PTPRG: variants seen among roughly 807,000 people sequenced by gnomAD.
PTPRG encodes the protein receptor-type tyrosine-protein phosphatase gamma.
Under a neutral mutation model 165.3 loss-of-function variants are expected in PTPRG, and 102 were observed. The observed-to-expected ratio is 0.62, with a 90% CI of 0.53 to 0.73. The LOEUF (loss-of-function observed/expected upper bound fraction) is 0.73, where lower values mean the gene tolerates loss of function less well. Ranked by LOEUF, PTPRG falls within the 30% of genes least tolerant of loss-of-function variation. The probability of loss-of-function intolerance (pLI) is 0.00; values close to 1 mark genes in which losing one functional copy is unlikely to be tolerated. For synonymous variants in PTPRG, 675 were observed against 669.5 expected, an observed-to-expected ratio of 1.01 and a Z score of -0.13; for missense variants, 1,866 against 1,861.4, an observed-to-expected ratio of 1.00 and a Z score of -0.05.
chr3:61,757,462 G>A (rs1252759404), intron 2 of PTPRG, among the ~76,000 whole-genome samples: 3 of 152,024 alleles, frequency 2.0e-5, no homozygotes, highest in African/African-American at 7.2e-5. Context: ...CAGAAGGAAA[G>A]CAAAAACCTT....
intron 5 of PTPRG, among the ~76,000 whole-genome samples, chr3:62,086,633 A>G (rs1701761488): frequency 1.3e-5 from 2 of 152,210 alleles, no homozygotes; most frequent in African/African-American, 4.8e-5. Flanking sequence ...TTCTTTCACT[A>G]CATTACCTAG....
chr3:62,096,733 A>G (rs894527280), intron 5 of PTPRG, among the ~76,000 whole-genome samples: 15 of 152,234 alleles, frequency 9.9e-5, no homozygotes, highest in Admixed American at 7.9e-4. Context: ...CAGCATTTAT[A>G]TAGTATCATA....
rs1246840072 is a variant in PTPRG at position 62,277,544 on chromosome 3, A to G, written c.3637-7A>G. 6.2e-7 allele frequency: 1 copy of G among 1,609,176 alleles called. No homozygotes were observed. Among genetic ancestry groups the G allele is most frequent in the Non-Finnish European group, 8.5e-7 (1 of 1,178,826 alleles). On this transcript the variant is annotated splice_region_variant and splice_polypyrimidine_tract_variant and intron_variant, in intron 25 of 29. Transcript: ENST00000474889. ...TTCACTGATTTTTTTTGTCTTCCCA[A>G]CTGAAGGGCTATTATAGGAGCAATG...
At chr3:61,918,377 C>G (rs550170688) in intron 2 of PTPRG, among the ~76,000 whole-genome samples, 1 of 149,506 alleles carries the variant, frequency 6.7e-6, no homozygotes, top group East Asian at 1.9e-4. Flanking sequence ...TATATATATA[C>G]ACACACACAG....
At chr3:61,947,713 G>T (rs948301173) in intron 2 of PTPRG, among the ~76,000 whole-genome samples, 1 of 152,152 alleles carries the variant, frequency 6.6e-6, no homozygotes, top group East Asian at 1.9e-4. Context: ...GTGGCCCCTG[G>T]CATTACTGGG....
At chr3:61,933,194 C>T (rs1450481639) in intron 2 of PTPRG, among the ~76,000 whole-genome samples, 1 of 152,190 alleles carries the variant, frequency 6.6e-6, no homozygotes, top group Non-Finnish European at 1.5e-5. Context: ...AGGTACATTT[C>T]TCTTTTCAAC....
rs1042991498 is a variant in PTPRG, at chr3:62,210,119, TG to T, written c.2155+6171del. ...GACCATCATTTTGATTGTTTGAGTC[TG>T]GTGAATTAAGCTCTGCATGAAATGG... On this transcript the variant is annotated intron_variant, in intron 12 of 29. Coordinates refer to ENST00000474889, the MANE Select transcript of PTPRG (RefSeq NM_002841.4). The surrounding 1 kb of genome is among the most constrained non-coding windows in gnomAD (Gnocchi z 4.1). 6.6e-6 allele frequency among the ~76,000 whole-genome samples: 1 copy of T among 152,208 alleles called. No individual in the cohort carries two copies. The highest frequency in any genetic ancestry group is 2.4e-5 in the African/African-American group (1 of 41,448).
At position 62,138,714 on chromosome 3, in the gene PTPRG, CAAAAAAA is replaced by C. The variant is rs563632840; in HGVS notation, c.682+6062_682+6068del. ...AGCCTCAGTGACAAGGGCAAAGCTC[CAAAAAAA>C]AAAAAAAAAAAAAAAGAAAGACGAA... On this transcript the variant is annotated intron_variant, in intron 6 of 29. Coordinates refer to ENST00000474889, the MANE Select transcript of PTPRG (RefSeq NM_002841.4). Among the ~76,000 whole-genome samples the C allele has an allele frequency of 6.6e-5, 6 of 91,388 alleles. No homozygotes were observed. The Admixed American group carries it at 6.9e-4, about 11-fold the overall frequency. 60.0% of individuals were successfully genotyped at this position (91,388 alleles called of 152,430 possible). A position where few individuals can be genotyped will look rare whatever the true frequency, so the allele number is the denominator to read the frequency against.
At chr3:61,613,059 G>T (rs761289722) in intron 1 of PTPRG, among the ~76,000 whole-genome samples, 6 of 152,170 alleles carry the variant, frequency 3.9e-5, no homozygotes, top group Non-Finnish European at 5.9e-5. Flanking sequence ...CTTACGCTTA[G>T]ACTGTCAGAG....
intron 2 of PTPRG, chr3:61,770,375 T>C (rs2034172426): frequency 6.6e-6 from 1 of 152,236 alleles, no homozygotes; most frequent in South Asian, 2.1e-4. Flanking sequence ...CGTGAAGAGC[T>C]AAAGTTGTTG....
At chr3:61,675,833 A>G (rs1261610871) in intron 1 of PTPRG, among the ~76,000 whole-genome samples, 1 of 151,440 alleles carries the variant, frequency 6.6e-6, no homozygotes, top group South Asian at 2.1e-4. Flanking sequence ...ATTTTTTTAA[A>G]GTGTTCAGTA....
chr3:62,176,048 C>A (rs1282682413), intron 8 of PTPRG, among the ~76,000 whole-genome samples: 8 of 151,174 alleles, frequency 5.3e-5, no homozygotes, highest in Admixed American at 5.2e-4. Context: ...AAAGAGGACT[C>A]TGGAATAATC....
intron 6 of PTPRG, among the ~76,000 whole-genome samples, chr3:62,149,657 T>A (rs908939118): frequency 1.3e-5 from 2 of 152,194 alleles, no homozygotes; most frequent in Non-Finnish European, 2.9e-5. Flanking sequence ...CAACTTGCCG[T>A]TTCTCACCCC....
intron 5 of PTPRG, among the ~76,000 whole-genome samples, chr3:62,108,717 G>A (rs968580337): frequency 2.0e-5 from 3 of 151,946 alleles, no homozygotes; most frequent in Admixed American, 6.6e-5. Flanking sequence ...TTGTTTCCTG[G>A]CTTTGTAATG....
chr3:61,672,745 AGGG>A, intron 1 of PTPRG, among the ~76,000 whole-genome samples: 1 of 119,972 alleles, frequency 8.3e-6, no homozygotes, highest in African/African-American at 4.1e-5. Context: ...GGAGAGGGAG[AGGG>A]AGAGGGAGAG....
intron 13 of PTPRG, among the ~76,000 whole-genome samples, chr3:62,221,756 A>G (rs1286438871): frequency 1.3e-5 from 2 of 152,170 alleles, no homozygotes; most frequent in Non-Finnish European, 2.9e-5. Context: ...AGCATTTTCT[A>G]CCACAACCAA....
At chr3:62,069,667 CT>C (rs1701137869) in intron 4 of PTPRG, among the ~76,000 whole-genome samples, 1 of 147,072 alleles carries the variant, frequency 6.8e-6, no homozygotes. Flanking sequence ...CTCTCTCTCT[CT>C]CTCTCTCTCT....
chr3:62,162,491 A>G (rs1224977816), intron 7 of PTPRG, among the ~76,000 whole-genome samples: 1 of 152,240 alleles, frequency 6.6e-6, no homozygotes, highest in African/African-American at 2.4e-5. Context: ...TGTGTTTATT[A>G]CCCTGCTGTG....
chr3:62,218,804 A>T (rs764971100), intron 12 of PTPRG, 47 bp from the exon 13 acceptor site: 32 of 1,577,442 alleles, frequency 2.0e-5, no homozygotes, highest in Non-Finnish European at 2.2e-5. Flanking sequence ...TCTGGCTCCC[A>T]CCTCCACTAA....
Sources: allele counts gnomAD v4.1 joint callset (sites outside exome capture counted in the v4.1 genomes callset), GRCh38; gene constraint gnomAD v4.1.1; non-coding constraint Gnocchi (gnomAD v3.1); transcripts MANE v1.5; gene names NCBI Gene and HGNC (gene_info 2026-07-23, HGNC 2026-07-21).